The following ZNF444 variants were observed in gnomAD, a reference collection of about 807,000 sequenced individuals.
ZNF444 encodes the protein endothelial zinc finger protein 2.
In ZNF444, 8 loss-of-function variants were observed where a neutral mutation model predicts 14.4. The observed-to-expected ratio is 0.56, with a 90% CI of 0.33 to 1.00. The LOEUF (loss-of-function observed/expected upper bound fraction) is 1.00. Among genes scored for constraint, ZNF444 ranks in the 50% least tolerant of loss-of-function variants. ZNF444 has a pLI of 0.03. For missense variants in ZNF444, 510 were observed against 504.8 expected, an observed-to-expected ratio of 1.01 and a Z score of -0.10; for synonymous variants, 258 against 235.9, an observed-to-expected ratio of 1.09 and a Z score of -0.86.
upstream of ZNF444, among the ~76,000 whole-genome samples, chr19:56,139,407 G>C (rs1004120847): frequency 3.9e-4 from 59 of 152,134 alleles, no homozygotes; most frequent in Non-Finnish European, 5.7e-4. Context: ...AGAGGAATTG[G>C]CTGGGCATGG....
chr19:56,159,553 C>T (rs1335389444), intron 4 of ZNF444, 71 bp from the exon 5 acceptor site: 2 of 1,330,948 alleles, frequency 1.5e-6, no homozygotes, highest in African/African-American at 3.0e-5. Flanking sequence ...CTCCCTGCCT[C>T]CACCCCAGCC....
At chr19:56,157,196 C>G (rs1180039246) in intron 3 of ZNF444, 1 of 152,266 alleles carries the variant, frequency 6.6e-6, no homozygotes, top group Non-Finnish European at 1.5e-5. Flanking sequence ...CCGATGGGCC[C>G]CAGAGCCCAT....
At chr19:56,159,176 A>G (rs572939071) in intron 4 of ZNF444, among the ~76,000 whole-genome samples, 3 of 143,068 alleles carry the variant, frequency 2.1e-5, no homozygotes, top group African/African-American at 8.0e-5. Context: ...TCATCCACCC[A>G]TCATCCACCC....
intron 3 of ZNF444, chr19:56,154,281 C>T (rs2031762668): frequency 6.6e-6 from 1 of 152,128 alleles, no homozygotes; most frequent in African/African-American, 2.4e-5. Context: ...TTCTACCAGG[C>T]CTCCAAGGAA....
upstream of ZNF444, among the ~76,000 whole-genome samples, chr19:56,139,119 G>T (rs895275351): frequency 6.6e-6 from 1 of 151,864 alleles, no homozygotes; most frequent in African/African-American, 2.4e-5. Flanking sequence ...TAATGCTACT[G>T]AACTGTACCT....
upstream of ZNF444, among the ~76,000 whole-genome samples, chr19:56,137,787 G>T (rs1252097423): frequency 6.6e-6 from 1 of 152,178 alleles, no homozygotes; most frequent in Non-Finnish European, 1.5e-5. Context: ...GCAATGGAGG[G>T]TTTTAAGCAA....
intron 1 of ZNF444, among the ~76,000 whole-genome samples, chr19:56,135,955 G>A (rs552789681): frequency 9.9e-5 from 15 of 151,436 alleles, no homozygotes; most frequent in Non-Finnish European, 1.6e-4. Flanking sequence ...GGTGGTGCGT[G>A]CCTGTAATCC....
At chr19:56,137,208 C>T (rs138704666), upstream of ZNF444, among the ~76,000 whole-genome samples, 143 of 151,822 alleles carry the variant, frequency 9.4e-4, no homozygotes, top group African/African-American at 3.3e-3. Flanking sequence ...CGGTGGCTCA[C>T]GCCTGTCATC....
upstream of ZNF444, chr19:56,141,254 G>A (rs1330682993): frequency 3.6e-5 from 5 of 137,436 alleles, no homozygotes; most frequent in East Asian, 6.6e-4. Flanking sequence ...GAGGGGGACG[G>A]GGGAGTTTGG....
chr19:56,146,964 C>G lies in ZNF444; in HGVS notation c.53C>G (p.Ser18Cys), dbSNP rs549994174. 4 of 1,442,424 alleles carry G rather than the reference C, an allele frequency of 2.8e-6. No homozygotes were observed. The highest frequency in any genetic ancestry group is 1.4e-5 in the South Asian group (1 of 69,920). 89.4% of individuals were successfully genotyped at this position (1,442,424 alleles called of 1,614,324 possible). Residue 18 changes from serine (S) to cysteine (C), a missense_variant, in exon 3 of 5, where the codon TCC (serine) becomes TGC (cysteine). Coordinates refer to ENST00000337080, the MANE Select transcript of ZNF444 (RefSeq NM_018337.4). Reference sequence around the variant, plus strand: ...GAGGCCGAGGGCCTGGCGCTGGACTCCCCGTGGCACCGCTTCCGCCGCTTC... The same window carrying G: ...GAGGCCGAGGGCCTGGCGCTGGACTGCCCGTGGCACCGCTTCCGCCGCTTC... ...KQEAEGLALD[S>C]PWHRFRRFHL...
At chr19:56,135,454 G>A (rs1027247648) in intron 1 of ZNF444, among the ~76,000 whole-genome samples, 4 of 151,994 alleles carry the variant, frequency 2.6e-5, no homozygotes, top group Non-Finnish European at 5.9e-5. Context: ...AGCCACGGTT[G>A]GTTAAAATTC....
At chr19:56,159,334 C>T (rs773777704) in intron 4 of ZNF444, among the ~76,000 whole-genome samples, 17 of 151,674 alleles carry the variant, frequency 1.1e-4, no homozygotes, top group Non-Finnish European at 2.1e-4. Flanking sequence ...CATCCATCAT[C>T]GGTCCATTCA....
In ZNF444 at chr19:56,159,686, A is replaced by G; in HGVS notation, c.469A>G (p.Lys157Glu). The change falls in exon 5 of 5, where the codon AAG becomes GAG. Residue 157 changes from lysine (K) to glutamate (E), a missense_variant. Transcript: ENST00000337080. The stretch of plus-strand genomic sequence containing the variant: ...GGACTCCCAGGCTGTGCGCCCCTAC[A>G]AGCAGGAGCCCAGCAGCCCCCCGCT... ...PGDSQAVRPY[K>E]QEPSSPPLAP... The G allele has an allele frequency of 6.5e-7, 1 of 1,533,444 alleles. No individual in the cohort carries two copies. 95.0% of individuals were successfully genotyped at this position (1,533,444 alleles called of 1,614,324 possible).
At chr19:56,150,493 G>A in intron 3 of ZNF444, 1 of 369,824 alleles carries the variant, frequency 2.7e-6, no homozygotes, top group South Asian at 2.1e-5. Context: ...TTTAATAAGG[G>A]CAGATCTCAG....
At chr19:56,143,443 C>G (rs2030961412) in intron 1 of ZNF444, 1 of 152,242 alleles carries the variant, frequency 6.6e-6, no homozygotes, top group Non-Finnish European at 1.5e-5. Context: ...AGACTTGGAT[C>G]TGGCCTGGGT....
At chr19:56,142,222 T>C (rs2030873158) in intron 1 of ZNF444, 1 of 152,242 alleles carries the variant, frequency 6.6e-6, no homozygotes, top group Non-Finnish European at 1.5e-5. Context: ...GACTGGACAC[T>C]TACTAGCCAG....
chr19:56,158,765 G>C (rs905428438), intron 4 of ZNF444, among the ~76,000 whole-genome samples, 163 bp downstream of exon 4: 1 of 152,058 alleles, frequency 6.6e-6, no homozygotes, highest in Admixed American at 6.5e-5. Context: ...GGGGGTATGG[G>C]TGGGCCTCGG....
intron 3 of ZNF444, chr19:56,154,246 T>G (rs2031759344): frequency 6.6e-6 from 1 of 152,232 alleles, no homozygotes; most frequent in African/African-American, 2.4e-5. Context: ...TAGAAGGCAC[T>G]GGATTCCAGC....
Position 56,145,076 on chromosome 19 carries a change from G to C in ZNF444, c.-196-1171G>C, listed in dbSNP as rs1423454465. Among the ~76,000 whole-genome samples the C allele has an allele frequency of 6.6e-6, 1 of 152,234 alleles. No individual in the cohort carries two copies. The highest frequency in any genetic ancestry group is 6.5e-5 in the Admixed American group (1 of 15,284). On this transcript the variant is annotated intron_variant, in intron 1 of 4. Coordinates refer to ENST00000337080, the MANE Select transcript of ZNF444 (RefSeq NM_018337.4). This position sits in a 1 kb window ranked among gnomAD's most constrained non-coding sequence, Gnocchi z 4.3. ...CGTGAGCAAGTGGGCGTGGATGTGC[G>C]CCAGTGAGACTTAAGTAAAACAGGC... is the stretch of plus-strand genomic sequence containing the variant.
Sources: gnomAD v4.1 joint callset for allele counts (sites outside exome capture counted in the v4.1 genomes callset) on GRCh38, gnomAD v4.1.1 for gene constraint, Gnocchi (gnomAD v3.1) non-coding constraint, MANE v1.5 for transcripts, NCBI Gene and HGNC (gene_info 2026-07-23, HGNC 2026-07-21) for gene names.